Variants in UHRF1 observed in about 807,000 individuals in gnomAD.
The protein encoded by UHRF1 is E3 ubiquitin-protein ligase UHRF1.
A neutral mutation model predicts 96.5 loss-of-function variants in UHRF1; 9 were observed. The ratio of observed to expected loss-of-function variants is 0.09; its 90% CI spans 0.06 to 0.16. The LOEUF (loss-of-function observed/expected upper bound fraction) is 0.16. Ranked by LOEUF, UHRF1 falls within the 10% of genes least tolerant of loss-of-function variation. The pLI is 1.00. For missense variants in UHRF1, 626 were observed against 1,131.1 expected (o/e 0.55, Z 6.40); for synonymous variants, 455 against 469.9 (o/e 0.97, Z 0.41).
chr19:4,948,265 A>C (rs1568428379), intron 11 of UHRF1, among the ~76,000 whole-genome samples: 2 of 152,174 alleles, frequency 1.3e-5, no homozygotes, highest in African/African-American at 4.8e-5. Flanking sequence ...TTTTATTTGC[A>C]AAAGTATGTG....
intron 11 of UHRF1, among the ~76,000 whole-genome samples, chr19:4,950,146 G>C (rs2033677628): frequency 6.6e-6 from 1 of 150,922 alleles, no homozygotes; most frequent in Non-Finnish European, 1.5e-5. Context: ...ACTGGGATTA[G>C]AGGCGTGAGC....
At position 4,947,289 on chromosome 19, in the gene UHRF1, A is replaced by G. The variant is rs571086991; in HGVS notation, c.1517+78A>G. Reference sequence around the variant, plus strand: ...TGGTTCTGTTTTGGGCCTCATGTCCAGCAAGTGATAGTCTCATTAGGAGCG... The same window carrying G: ...TGGTTCTGTTTTGGGCCTCATGTCCGGCAAGTGATAGTCTCATTAGGAGCG... On this transcript the variant is annotated intron_variant, in intron 11 of 16. Transcript: ENST00000650932. The G allele has an allele frequency of 4.6e-4, 580 of 1,274,618 alleles. 5 individuals carry two copies. In the South Asian group the frequency reaches 6.6e-3, roughly 14 times the overall value. The allele number at this position is 1,274,618 out of a possible 1,614,324, so 79.0% of individuals were successfully genotyped here. A position where few individuals can be genotyped will look rare whatever the true frequency, so the allele number is the denominator to read the frequency against.
intron 2 of UHRF1, among the ~76,000 whole-genome samples, chr19:4,919,524 G>A (rs888495750): frequency 4.6e-5 from 7 of 151,792 alleles, no homozygotes; most frequent in Non-Finnish European, 7.4e-5. Context: ...GGATGGTTTC[G>A]ATCTCCTGAC....
intron 15 of UHRF1, among the ~76,000 whole-genome samples, chr19:4,955,251 C>CAGGGAT (rs2033826890): frequency 6.6e-6 from 1 of 152,200 alleles, no homozygotes; most frequent in South Asian, 2.1e-4. Flanking sequence ...AAAGTCAGGG[C>CAGGGAT]AGGGATAGGG....
intron 2 of UHRF1, among the ~76,000 whole-genome samples, chr19:4,925,286 C>A (rs1057310254): frequency 1.3e-5 from 2 of 152,168 alleles, no homozygotes; most frequent in Non-Finnish European, 2.9e-5. Flanking sequence ...CCAGCTACTG[C>A]TTCCTTTTTC....
upstream of UHRF1, among the ~76,000 whole-genome samples, chr19:4,908,001 C>T (rs182940852): frequency 1.1e-4 from 16 of 152,224 alleles, no homozygotes; most frequent in East Asian, 2.5e-3. Context: ...TGTGAGCCAA[C>T]GCGCCCGGCC....
At position 4,930,486 on chromosome 19, in the gene UHRF1, G is replaced by T. The variant is rs1028199583; in HGVS notation, c.409-230G>T. On this transcript the variant is annotated intron_variant, in intron 3 of 16. Transcript: ENST00000650932. The surrounding 1 kb of genome is among the most constrained non-coding windows in gnomAD (Gnocchi z 4.4). ...CAGCAGCTGTGGCTGAAGCAGAGCC[G>T]CAGGGGCCTTTGTTAAGACAGTCCA... Among the ~76,000 whole-genome samples the T allele has an allele frequency of 1.3e-5, 2 of 152,236 alleles. No homozygotes were observed. The highest frequency in any genetic ancestry group is 2.9e-5 in the Non-Finnish European group (2 of 68,050).
chr19:4,937,293 CTT>C (rs11411657), intron 5 of UHRF1, among the ~76,000 whole-genome samples: 30 of 125,380 alleles, frequency 2.4e-4, no homozygotes, highest in Admixed American at 3.4e-4. Context: ...AGATGGGCCA[CTT>C]TTTTTTTTTT....
intron 5 of UHRF1, among the ~76,000 whole-genome samples, chr19:4,934,699 C>A (rs528920880): frequency 2.6e-5 from 4 of 152,114 alleles, no homozygotes; most frequent in Admixed American, 2.6e-4. Context: ...ATCTTGGCAA[C>A]GGCGTTCCAA....
At chr19:4,957,297 G>GTTTTTTTTTTTTTT (rs59654364) in intron 16 of UHRF1, among the ~76,000 whole-genome samples, 1 of 51,034 alleles carries the variant, frequency 2.0e-5, no homozygotes, top group African/African-American at 7.8e-5. Context: ...CCAGCTGATG[G>GTTTTTTTTTTTTTT]TTTTTTTTTT....
chr19:4,929,890 T>C (rs543669675), intron 3 of UHRF1, among the ~76,000 whole-genome samples: 1 of 152,260 alleles, frequency 6.6e-6, no homozygotes, highest in East Asian at 1.9e-4. Flanking sequence ...AGCCTCGAAC[T>C]CCTGGGCTCA....
intron 11 of UHRF1, among the ~76,000 whole-genome samples, chr19:4,948,565 G>A (rs965832958): frequency 1.4e-4 from 22 of 152,214 alleles, no homozygotes; most frequent in African/African-American, 5.1e-4. Context: ...TTGAGAGGCC[G>A]AGGTAGGTGG....
intron 2 of UHRF1, among the ~76,000 whole-genome samples, chr19:4,917,712 C>G (rs933375710): frequency 2.7e-5 from 4 of 150,248 alleles, no homozygotes; most frequent in African/African-American, 9.8e-5. Flanking sequence ...GGCTGGAGTG[C>G]AGCGGCGTGA....
intron 2 of UHRF1, among the ~76,000 whole-genome samples, chr19:4,913,619 G>A (rs1382147428): frequency 1.3e-5 from 2 of 152,012 alleles, no homozygotes; most frequent in Non-Finnish European, 2.9e-5. Flanking sequence ...AGCCTTGCCG[G>A]AACTCACCCG....
At position 4,944,055 on chromosome 19, in the gene UHRF1, G is replaced by A. The variant is rs543738615; in HGVS notation, c.1074-77G>A. ...CCAGGCGGGGAGAGCCATGTCCGTG[G>A]TGTGTGGGCAGAGGGCACATGTTGG... On this transcript the variant is annotated intron_variant, in intron 7 of 16. Coordinates refer to ENST00000650932, the MANE Select transcript of UHRF1 (RefSeq NM_001048201.3). 1.3e-4 allele frequency: 202 copies of A among 1,584,946 alleles called. No individual in the cohort carries two copies. The African/African-American group carries it at 2.5e-3, about 20-fold the overall frequency.
At chr19:4,951,580 C>T (rs1412087917) in intron 13 of UHRF1, among the ~76,000 whole-genome samples, 2 of 152,010 alleles carry the variant, frequency 1.3e-5, no homozygotes, top group Non-Finnish European at 2.9e-5. Flanking sequence ...TGCTTCTCCG[C>T]CTGCCGCATC....
At chr19:4,914,771 C>T (rs765281519) in intron 2 of UHRF1, among the ~76,000 whole-genome samples, 10 of 152,130 alleles carry the variant, frequency 6.6e-5, no homozygotes, top group Non-Finnish European at 1.2e-4. Context: ...ATCCCTGGCC[C>T]GCGACTCGCC....
upstream of UHRF1, among the ~76,000 whole-genome samples, chr19:4,905,237 C>A (rs1051679019): frequency 6.6e-6 from 1 of 150,406 alleles, no homozygotes; most frequent in African/African-American, 2.4e-5. Context: ...CTGCCTCAGC[C>A]TCCCGAGTAG....
chr19:4,949,859 A>G (rs2033670576), intron 11 of UHRF1, among the ~76,000 whole-genome samples: 2 of 150,192 alleles, frequency 1.3e-5, no homozygotes, highest in African/African-American at 2.5e-5. Context: ...TTTTTTTTAT[A>G]TGTGTGTGTG....
Sources: gnomAD v4.1 joint callset for allele counts (sites outside exome capture counted in the v4.1 genomes callset) on GRCh38, gnomAD v4.1.1 for gene constraint, Gnocchi (gnomAD v3.1) non-coding constraint, MANE v1.5 for transcripts, NCBI Gene and HGNC (gene_info 2026-07-23, HGNC 2026-07-21) for gene names.